The following USP49 variants were observed in gnomAD, a reference collection of about 807,000 sequenced individuals.
USP49 encodes the protein ubiquitin carboxyl-terminal hydrolase 49.
USP49 carries 24 observed loss-of-function variants against 58.6 expected under a neutral mutation model. That is an observed-to-expected ratio of 0.41 (90% confidence interval 0.30 to 0.58). The LOEUF (loss-of-function observed/expected upper bound fraction) is 0.58, where lower values mean the gene tolerates loss of function less well. Ranked by LOEUF, USP49 falls within the 20% of genes least tolerant of loss-of-function variation. The pLI, the probability that USP49 is intolerant of heterozygous loss-of-function variation, is 0.30. For missense variants in USP49, 703 were observed against 866.1 expected (o/e 0.81, Z 2.36); for synonymous variants, 408 against 365.1 (o/e 1.12, Z -1.34).
At chr6:41,881,865 T>G (rs1269237176) in intron 2 of USP49, among the ~76,000 whole-genome samples, 1 of 152,026 alleles carries the variant, frequency 6.6e-6, no homozygotes, top group Non-Finnish European at 1.5e-5. Flanking sequence ...TAAAATAAAA[T>G]ACTATGTTCA....
chr6:41,802,464 A>ATT (rs1272102736), intron 5 of USP49, among the ~76,000 whole-genome samples: 4 of 73,698 alleles, frequency 5.4e-5, no homozygotes, highest in African/African-American at 1.1e-4. Flanking sequence ...TTATTTATTT[A>ATT]TTTATTTTTT....
At chr6:41,824,808 G>A (rs998327042) in intron 3 of USP49, among the ~76,000 whole-genome samples, 5 of 152,204 alleles carry the variant, frequency 3.3e-5, no homozygotes, top group South Asian at 2.1e-4. Flanking sequence ...TCACTCTCCC[G>A]TGGGGGTATG....
intron 3 of USP49, among the ~76,000 whole-genome samples, chr6:41,863,786 A>G (rs1774263592): frequency 6.6e-6 from 1 of 152,044 alleles, no homozygotes; most frequent in Admixed American, 6.6e-5. Flanking sequence ...TTTATTTTTG[A>G]TTCACCCTCA....
intron 3 of USP49, among the ~76,000 whole-genome samples, chr6:41,867,587 C>CAAAAAAAAA (rs766568260): frequency 5.6e-5 from 4 of 71,162 alleles, no homozygotes; most frequent in Non-Finnish European, 7.9e-5. Context: ...ACTAAAAATA[C>CAAAAAAAAA]AAAAAAAAAA....
intron 3 of USP49, among the ~76,000 whole-genome samples, chr6:41,827,774 T>C (rs1000746476): frequency 6.6e-6 from 1 of 152,150 alleles, no homozygotes; most frequent in Non-Finnish European, 1.5e-5. Flanking sequence ...CTATCATTTA[T>C]TGAACACTTA....
chr6:41,865,233 C>T (rs1400539065), intron 3 of USP49, among the ~76,000 whole-genome samples: 2 of 151,902 alleles, frequency 1.3e-5, no homozygotes, highest in African/African-American at 2.4e-5. Flanking sequence ...TTTGTAGAGA[C>T]GGGGTTTCAC....
At chr6:41,865,949 G>T in intron 3 of USP49, among the ~76,000 whole-genome samples, 1 of 114,084 alleles carries the variant, frequency 8.8e-6, no homozygotes, top group African/African-American at 3.5e-5. Flanking sequence ...TTTAGACAGA[G>T]TCTCCCTCTG....
rs1189156679 is a variant in USP49, at chr6:41,791,248, T to C, written c.*5285A>G. The stretch of plus-strand genomic sequence containing the variant: ...TGGGTTTTAAAGCCATAATTATGGT[T>C]GAGTAAGGATTCATTTATTTATTTA... On this transcript the variant is annotated 3_prime_UTR_variant, in exon 8 of 8. Transcript: ENST00000682992. 2.0e-5 allele frequency: 3 copies of C among 152,238 alleles called. No individual in the cohort carries two copies. The highest frequency in any genetic ancestry group is 2.9e-5 in the Non-Finnish European group (2 of 68,050). The allele number at this position is 152,238 out of a possible 1,614,324, so 9.4% of individuals were successfully genotyped here. A position where few individuals can be genotyped will look rare whatever the true frequency, so the allele number is the denominator to read the frequency against.
intron 3 of USP49, among the ~76,000 whole-genome samples, chr6:41,832,594 C>T (rs1230822238): frequency 6.6e-6 from 1 of 152,038 alleles, no homozygotes; most frequent in Non-Finnish European, 1.5e-5. Flanking sequence ...TTTTTTCCAA[C>T]TAGAAACCTG....
chr6:41,791,495 T>C lies in USP49; in HGVS notation c.*5038A>G, dbSNP rs1022594978. On this transcript the variant is annotated 3_prime_UTR_variant, in exon 8 of 8. Coordinates refer to ENST00000682992, the MANE Select transcript of USP49 (RefSeq NM_001286554.2). The stretch of plus-strand genomic sequence containing the variant: ...CTACTTAATCTACAACTTTCAAAAA[T>C]TGATGAGTAATCACTAATTCTGTAA... 2.6e-5 allele frequency: 4 copies of C among 152,248 alleles called. No homozygotes were observed. The highest frequency in any genetic ancestry group is 2.6e-4 in the Admixed American group (4 of 15,282). 9.4% of individuals were successfully genotyped at this position (152,248 alleles called of 1,614,324 possible).
chr6:41,821,141 C>T (rs1385370470), intron 3 of USP49, among the ~76,000 whole-genome samples: 2 of 152,186 alleles, frequency 1.3e-5, no homozygotes, highest in Non-Finnish European at 2.9e-5. Flanking sequence ...TTCATTTTTA[C>T]CATCATTTCT....
At chr6:41,847,621 G>A (rs1773945973) in intron 3 of USP49, among the ~76,000 whole-genome samples, 1 of 152,130 alleles carries the variant, frequency 6.6e-6, no homozygotes, top group South Asian at 2.1e-4. Context: ...GGCTGAGGCA[G>A]GAGGATCACT....
intron 3 of USP49, among the ~76,000 whole-genome samples, chr6:41,838,939 TG>T: frequency 6.6e-6 from 1 of 152,280 alleles, no homozygotes; most frequent in South Asian, 2.1e-4. Context: ...CTCGAAACTA[TG>T]GACATTAAAT....
In USP49 at chr6:41,796,688, C is replaced by T. The variant is rs1355806210; in HGVS notation, c.1912G>A (p.Val638Ile). The stretch of plus-strand genomic sequence containing the variant: ...TTGCACACTTCCTCGACACTGCATA[C>T]ATTCAGCTTTGAGTCATTGCAGTGG... ...WVHCNDSKLN[V>I]CSVEEVCKTQ... The change falls in exon 8 of 8, where the codon GTA becomes ATA. Residue 638 changes from valine to isoleucine, a missense_variant. Around this residue, in one of 6 missense-constraint regions of USP49, gnomAD observed 158 missense variants for 241.2 expected, o/e 0.66. Coordinates refer to ENST00000682992, the MANE Select transcript of USP49 (RefSeq NM_001286554.2). 1 of 717,454 alleles carries T rather than the reference C, an allele frequency of 1.4e-6. No individual in the cohort carries two copies. The allele number at this position is 717,454 out of a possible 1,614,324, so 44.4% of individuals were successfully genotyped here.
In USP49 at chr6:41,868,360, G is replaced by A. The variant is rs902412898; in HGVS notation, c.-29+3204C>T. 1.4e-4 allele frequency among the ~76,000 whole-genome samples: 22 copies of A among 152,036 alleles called. No individual in the cohort carries two copies. The South Asian group carries it at 3.5e-3, about 24-fold the overall frequency. On this transcript the variant is annotated intron_variant, in intron 3 of 7. Coordinates refer to ENST00000682992, the MANE Select transcript of USP49 (RefSeq NM_001286554.2). ...TAATTTATTTTTGAGACGGAGTCTC[G>A]CTCTGTTGCCAGGCTGGAGTGCAAT...
Position 41,794,642 on chromosome 6 carries a change from G to A in USP49, c.*1891C>T, listed in dbSNP as rs1032604345. 6.6e-6 allele frequency: 1 copy of A among 152,136 alleles called. No individual in the cohort carries two copies. Among genetic ancestry groups the A allele is most frequent in the African/African-American group, 2.4e-5 (1 of 41,438 alleles). The allele number at this position is 152,136 out of a possible 1,614,324, so 9.4% of individuals were successfully genotyped here. On this transcript the variant is annotated 3_prime_UTR_variant, in exon 8 of 8. Coordinates refer to ENST00000682992, the MANE Select transcript of USP49 (RefSeq NM_001286554.2). ...CTTGAGAGTACAGCTTCACATCAGA[G>A]CCTCTGGCAGCATGGACAGCGGTGA...
chr6:41,868,611 G>C, intron 3 of USP49: 1 of 152,272 alleles, frequency 6.6e-6, no homozygotes, highest in South Asian at 2.1e-4. Flanking sequence ...ACAGGCGTGA[G>C]CCACTGCGCC....
intron 2 of USP49, among the ~76,000 whole-genome samples, chr6:41,879,742 C>T (rs1038534904): frequency 3.1e-4 from 47 of 152,298 alleles, no homozygotes; most frequent in South Asian, 6.2e-4. Flanking sequence ...TAGCCATTTT[C>T]CCCACTCAGC....
rs771211097 is a variant in USP49, at chr6:41,806,217, C to T, written c.767G>A (p.Arg256His). The change falls in exon 4 of 8, where the codon CGC becomes CAC. Residue 256 changes from arginine to histidine, a missense_variant. Transcript: ENST00000682992. The surrounding 1 kb of genome is among the most constrained non-coding windows in gnomAD (Gnocchi z 5.9). ...PAMAPGVTGL[R>H]NLGNTCYMNS... ...CATGTAGCAGGTGTTGCCCAGGTTG[C>T]GCAGGCCCGTGACGCCTGGGGCCAT... 2 of 1,611,988 alleles carry T rather than the reference C, an allele frequency of 1.2e-6. No homozygotes were observed. The highest frequency in any genetic ancestry group is 1.7e-6 in the Non-Finnish European group (2 of 1,180,014).
Sources: allele counts gnomAD v4.1 joint callset (sites outside exome capture counted in the v4.1 genomes callset), GRCh38; gene constraint gnomAD v4.1.1; regional missense constraint gnomAD v4.1.1; non-coding constraint Gnocchi (gnomAD v3.1); transcripts MANE v1.5; gene names NCBI Gene and HGNC (gene_info 2026-07-23, HGNC 2026-07-21).